NEMF: variants seen among roughly 807,000 people sequenced by gnomAD.
NEMF encodes the protein nuclear export mediator factor.
A neutral mutation model predicts 162.2 loss-of-function variants in NEMF; 89 were observed. That is an observed-to-expected ratio of 0.55 (90% CI 0.46 to 0.65). NEMF has a LOEUF of 0.65. NEMF is among the 30% of genes least tolerant of loss of function. The probability of loss-of-function intolerance (pLI) is 0.00; values close to 1 mark genes in which losing one functional copy is unlikely to be tolerated. For missense variants in NEMF, 1,133 were observed against 1,261.9 expected, an observed-to-expected ratio of 0.90 and a Z score of 1.55; for synonymous variants, 421 against 404.5, an observed-to-expected ratio of 1.04 and a Z score of -0.49.
At chr14:49,831,508 G>A (rs955947434) in intron 10 of NEMF, 147 bp from the exon 11 acceptor site, 10 of 589,586 alleles carry the variant, frequency 1.7e-5, no homozygotes, top group Admixed American at 2.9e-5. Flanking sequence ...CGCGATCTAG[G>A]CTCACTGCAA....
chr14:49,782,161 C>T lies in NEMF; in HGVS notation c.*2475G>A, dbSNP rs568125336. On this transcript the variant is annotated 3_prime_UTR_variant, in exon 33 of 33. Coordinates refer to ENST00000298310, the MANE Select transcript of NEMF (RefSeq NM_004713.6). Reference sequence around the variant, plus strand: ...AAACTCCTCATTGCATAAATGAGAACGACCAGAGAGAGAAAATAATATCCA... The same window carrying T: ...AAACTCCTCATTGCATAAATGAGAATGACCAGAGAGAGAAAATAATATCCA... 5.9e-4 allele frequency: 306 copies of T among 518,638 alleles called. 1 individual carries two copies. The highest frequency in any genetic ancestry group is 9.9e-4 in the Middle Eastern group (2 of 2,012). The allele number at this position is 518,638 out of a possible 1,614,324, so 32.1% of individuals were successfully genotyped here. A position where few individuals can be genotyped will look rare whatever the true frequency, so the allele number is the denominator to read the frequency against.
At chr14:49,843,605 G>A (rs1482240746) in intron 4 of NEMF, among the ~76,000 whole-genome samples, 1 of 152,206 alleles carries the variant, frequency 6.6e-6, no homozygotes, top group Non-Finnish European at 1.5e-5. Flanking sequence ...TCGTGTGAAC[G>A]TAATAGAGTA....
intron 16 of NEMF, among the ~76,000 whole-genome samples, chr14:49,817,575 GACTC>G (rs1271898141): frequency 2.0e-5 from 3 of 151,676 alleles, no homozygotes; most frequent in Non-Finnish European, 4.4e-5. Flanking sequence ...GTTGATAAAA[GACTC>G]AATTAATTAG....
intron 25 of NEMF, chr14:49,796,161 C>T (rs1890683290): frequency 3.5e-6 from 2 of 578,186 alleles, no homozygotes; most frequent in African/African-American, 3.7e-5. Flanking sequence ...TCTTTCTTTC[C>T]ATCATCCAAG....
intron 5 of NEMF, among the ~76,000 whole-genome samples, chr14:49,838,424 A>G (rs1158588720): frequency 6.6e-6 from 1 of 152,142 alleles, no homozygotes; most frequent in Non-Finnish European, 1.5e-5. Flanking sequence ...ATAAACCAGT[A>G]TTTTTTCGAC....
In NEMF at chr14:49,782,262, T is replaced by G; in HGVS notation, c.*2374A>C. ...TACTTCTCGCCATGATGTTTTGGTC[T>G]GAACTACCTTAAGATCGCTAGTCTT... On this transcript the variant is annotated 3_prime_UTR_variant, in exon 33 of 33. Transcript: ENST00000298310. 1 of 658,672 alleles carries G rather than the reference T, an allele frequency of 1.5e-6. No homozygotes were observed. The highest frequency in any genetic ancestry group is 2.6e-6 in the Non-Finnish European group (1 of 384,154). The allele number at this position is 658,672 out of a possible 1,614,324, so 40.8% of individuals were successfully genotyped here.
chr14:49,845,062 C>A (rs1594808520), intron 4 of NEMF, among the ~76,000 whole-genome samples: 1 of 140,048 alleles, frequency 7.1e-6, no homozygotes, highest in Non-Finnish European at 1.5e-5. Flanking sequence ...AGCCACCACA[C>A]CTGGCCCAGA....
chr14:49,806,192 T>G lies in NEMF; in HGVS notation c.1745-59A>C, dbSNP rs1362563390. 24 of 1,069,846 alleles carry G rather than the reference T, an allele frequency of 2.2e-5. No homozygotes were observed. The East Asian group carries it at 2.6e-4, about 12-fold the overall frequency. The allele number at this position is 1,069,846 out of a possible 1,614,324, so 66.3% of individuals were successfully genotyped here. A position where few individuals can be genotyped will look rare whatever the true frequency, so the allele number is the denominator to read the frequency against. ...AGTATGGACTTTCTCCAGAGCAAGA[T>G]ATGAAAATCACATGCCGCATGACAG... is the stretch of plus-strand genomic sequence containing the variant. On this transcript the variant is annotated intron_variant, in intron 18 of 32. Coordinates refer to ENST00000298310, the MANE Select transcript of NEMF (RefSeq NM_004713.6).
Position 49,814,092 on chromosome 14 carries a change from T to C in NEMF, c.1682-42A>G, listed in dbSNP as rs568876720. 80 of 1,176,736 alleles carry C rather than the reference T, an allele frequency of 6.8e-5. 1 individual carries two copies. The South Asian group carries it at 1.0e-3, about 15-fold the overall frequency. The allele number at this position is 1,176,736 out of a possible 1,614,324, so 72.9% of individuals were successfully genotyped here. ...TAAAAAATGACACTTTAAGTCCTAATTATTCTTTTTTCCTTTTTTTTTTTT... is the reference window on the plus strand; with the variant it reads ...TAAAAAATGACACTTTAAGTCCTAACTATTCTTTTTTCCTTTTTTTTTTTT... On this transcript the variant is annotated intron_variant, in intron 17 of 32. Transcript: ENST00000298310.
chr14:49,804,376 A>G (rs1891091173), intron 19 of NEMF, among the ~76,000 whole-genome samples: 1 of 152,128 alleles, frequency 6.6e-6, no homozygotes, highest in African/African-American at 2.4e-5. Context: ...AACTTATCCC[A>G]TAATTTAAAA....
chr14:49,784,307 C>G lies in NEMF; in HGVS notation c.*329G>C, dbSNP rs1170537808. The stretch of plus-strand genomic sequence containing the variant: ...TTACCAAGTCAATAGTTTAAGCAAT[C>G]AAGCCACTTCACTGTTCAGTTTCTT... On this transcript the variant is annotated 3_prime_UTR_variant, in exon 33 of 33. Transcript: ENST00000298310. 1 of 193,462 alleles carries G rather than the reference C, an allele frequency of 5.2e-6. No individual in the cohort carries two copies. Among genetic ancestry groups the G allele is most frequent in the African/African-American group, 2.4e-5 (1 of 42,224 alleles). The allele number at this position is 193,462 out of a possible 1,614,324, so 12.0% of individuals were successfully genotyped here.
intron 11 of NEMF, among the ~76,000 whole-genome samples, chr14:49,830,145 A>G (rs1427648254): frequency 6.6e-6 from 1 of 152,256 alleles, no homozygotes; most frequent in Non-Finnish European, 1.5e-5. Flanking sequence ...TAAATGCTAG[A>G]TGAAATATTT....
chr14:49,790,843 A>G (rs1191333829), intron 26 of NEMF, among the ~76,000 whole-genome samples: 1 of 152,076 alleles, frequency 6.6e-6, no homozygotes, highest in Non-Finnish European at 1.5e-5. Flanking sequence ...TACAAACAAA[A>G]TTAGCCAGGC....
Position 49,834,408 on chromosome 14 carries a change from C to A in NEMF, c.616G>T (p.Gly206Ter). 6.2e-7 allele frequency: 1 copy of A among 1,608,784 alleles called. No homozygotes were observed. Among genetic ancestry groups the A allele is most frequent in the Non-Finnish European group, 8.5e-7 (1 of 1,175,182 alleles). ...ALIEHCLLEN[G>*]FSGNVKVDEK... ...TCCACTTTGACATTACCCGAGAATC[C>A]ATTTTCTAAAAGACAGTGTTCAATG... Residue 206 changes from glycine (G) to a stop codon, truncating the protein, a stop_gained, in exon 7 of 33, where the codon GGA becomes TGA. Coordinates refer to ENST00000298310, the MANE Select transcript of NEMF (RefSeq NM_004713.6). LOFTEE classifies it high-confidence loss of function.
chr14:49,840,736 G>T lies in NEMF; in HGVS notation c.488C>A (p.Pro163His), dbSNP rs149602229. The change falls in exon 5 of 33, where the codon CCT becomes CAT. Residue 163 changes from proline to histidine, a missense_variant. By Grantham distance (77) the Pro-to-His change is moderately conservative. Around this residue, in one of 3 missense-constraint regions of NEMF, gnomAD observed 582 missense variants for 631.5 expected, o/e 0.92. Coordinates refer to ENST00000298310, the MANE Select transcript of NEMF (RefSeq NM_004713.6). Reference protein sequence around the residue: ...YPLDHARAAEPLLTLERLTEI... With the variant: ...YPLDHARAAEHLLTLERLTEI... The stretch of plus-strand genomic sequence containing the variant: ...ACTTTACCTTTCCAAAGTAAGCAAA[G>T]GTTCAGCAGCTCTAGCATGATCAAG... 45 of 1,611,874 alleles carry T rather than the reference G, an allele frequency of 2.8e-5. No homozygotes were observed. Among genetic ancestry groups the T allele is most frequent in the Non-Finnish European group, 3.5e-5 (41 of 1,179,368 alleles).
chr14:49,852,703 C>A lies in NEMF; in HGVS notation c.51G>T (p.Leu17=), dbSNP rs1893843798. 2 of 1,614,134 alleles carry A rather than the reference C, an allele frequency of 1.2e-6. No individual in the cohort carries two copies. The highest frequency in any genetic ancestry group is 2.7e-5 in the African/African-American group (2 of 74,948). ...CACTTAGGGTACTGTACCTAGCATTCAGCTCCGCGAGTACGGCGCGGAGGT... is the reference window on the plus strand; with the variant it reads ...CACTTAGGGTACTGTACCTAGCATTAAGCTCCGCGAGTACGGCGCGGAGGT... ...TIDLRAVLAE[L]NASLLGMRVN... is the part of the protein sequence containing the mutation. Residue 17 remains leucine (L), a synonymous_variant, in exon 1 of 33, where the codon CTG becomes CTT. Transcript: ENST00000298310.
intron 4 of NEMF, among the ~76,000 whole-genome samples, chr14:49,843,616 T>C (rs1893323252): frequency 1.3e-5 from 2 of 152,366 alleles, no homozygotes; most frequent in African/African-American, 4.8e-5. Flanking sequence ...TAATAGAGTA[T>C]ACTTACACAA....
chr14:49,803,160 G>T, intron 20 of NEMF, 77 bp downstream of exon 20: 1 of 1,049,964 alleles, frequency 9.5e-7, no homozygotes, highest in Non-Finnish European at 1.5e-6. Flanking sequence ...TGTTCTAAGA[G>T]TATTTGTAAA....
Position 49,783,087 on chromosome 14 carries a change from C to A in NEMF, c.*1549G>T. 1.3e-6 allele frequency: 1 copy of A among 755,616 alleles called. No homozygotes were observed. The highest frequency in any genetic ancestry group is 2.0e-6 in the Non-Finnish European group (1 of 498,410). 46.8% of individuals were successfully genotyped at this position (755,616 alleles called of 1,614,324 possible). ...TGGTTTTAATGTGCATGTGAATGGC[C>A]TAGAGAACCTATTTTTGTGTCTAAA... On this transcript the variant is annotated 3_prime_UTR_variant, in exon 33 of 33. Transcript: ENST00000298310.
Sources: gnomAD v4.1 joint callset for allele counts (sites outside exome capture counted in the v4.1 genomes callset) on GRCh38, gnomAD v4.1.1 for gene constraint, gnomAD v4.1.1 regional missense constraint, MANE v1.5 for transcripts, NCBI Gene and HGNC (gene_info 2026-07-23, HGNC 2026-07-21) for gene names.